LSAMP: variants seen among roughly 807,000 people sequenced by gnomAD.
LSAMP encodes limbic system associated membrane protein.
LSAMP carries 7 observed loss-of-function variants against 38.6 expected under a neutral mutation model. That is an observed-to-expected ratio of 0.18 (90% CI 0.10 to 0.34). LSAMP has a LOEUF of 0.34. Ranked by LOEUF, LSAMP falls within the 10% of genes least tolerant of loss-of-function variation. The probability of loss-of-function intolerance (pLI) is 1.00; values close to 1 mark genes in which losing one functional copy is unlikely to be tolerated. For missense variants in LSAMP, 313 were observed against 420.0 expected, an observed-to-expected ratio of 0.75 and a Z score of 2.23; for synonymous variants, 154 against 166.8, an observed-to-expected ratio of 0.92 and a Z score of 0.59.
intron 1 of LSAMP, among the ~76,000 whole-genome samples, chr3:116,377,310 A>G (rs916335990): frequency 1.6e-4 from 24 of 151,942 alleles, no homozygotes; most frequent in African/African-American, 5.6e-4. Context: ...GCTCCCACTT[A>G]TAAGTGAGAA....
chr3:115,958,766 T>G (rs1057211847), intron 3 of LSAMP, among the ~76,000 whole-genome samples: 1 of 152,072 alleles, frequency 6.6e-6, no homozygotes, highest in Admixed American at 6.6e-5. Flanking sequence ...GGCAAGTAGA[T>G]GTAAAGGCTG....
intron 1 of LSAMP, among the ~76,000 whole-genome samples, chr3:116,114,654 G>A (rs1415314904): frequency 6.6e-6 from 1 of 152,132 alleles, no homozygotes; most frequent in Non-Finnish European, 1.5e-5. Context: ...TACTAACGTT[G>A]CTTTTATAAA....
At chr3:116,151,352 C>T (rs1576395410) in intron 1 of LSAMP, among the ~76,000 whole-genome samples, 1 of 151,796 alleles carries the variant, frequency 6.6e-6, no homozygotes, top group East Asian at 1.9e-4. Context: ...AACATGTGAG[C>T]CGAACTTTTA....
intron 1 of LSAMP, among the ~76,000 whole-genome samples, chr3:116,403,111 T>C (rs773508569): frequency 1.3e-5 from 2 of 152,200 alleles, no homozygotes; most frequent in African/African-American, 2.4e-5. Context: ...TCCGAACTTG[T>C]AGTCATAAAA....
intron 1 of LSAMP, among the ~76,000 whole-genome samples, chr3:116,270,619 C>T (rs1461224202): frequency 6.6e-6 from 1 of 152,064 alleles, no homozygotes; most frequent in East Asian, 1.9e-4. Flanking sequence ...AACACCAGGG[C>T]ACTACAATTG....
At chr3:116,346,779 A>G (rs2048069350) in intron 1 of LSAMP, among the ~76,000 whole-genome samples, 5 of 152,184 alleles carry the variant, frequency 3.3e-5, no homozygotes, top group Admixed American at 3.3e-4. Context: ...TTCAACAAAC[A>G]TTCATTAAGT....
chr3:116,218,028 A>C (rs1006618529), intron 1 of LSAMP, among the ~76,000 whole-genome samples: 1 of 152,182 alleles, frequency 6.6e-6, no homozygotes, highest in African/African-American at 2.4e-5. Context: ...TGAAGTTGCT[A>C]CTGAGCAGTC....
chr3:116,389,918 G>A (rs1027286229), intron 1 of LSAMP, among the ~76,000 whole-genome samples: 1 of 152,074 alleles, frequency 6.6e-6, no homozygotes, highest in African/African-American at 2.4e-5. Flanking sequence ...CCCAAGGAAT[G>A]AGCACTCCCA....
intron 1 of LSAMP, among the ~76,000 whole-genome samples, chr3:116,126,846 G>A (rs892838518): frequency 6.6e-6 from 1 of 151,090 alleles, no homozygotes; most frequent in Non-Finnish European, 1.5e-5. Context: ...TGGGAGACAG[G>A]GCAAAACTCC....
chr3:116,019,445 A>T, intron 3 of LSAMP, 70 bp downstream of exon 3: 1 of 1,547,154 alleles, frequency 6.5e-7, no homozygotes, highest in Non-Finnish European at 8.8e-7. Context: ...TTTCTGATTC[A>T]GCAGAATTCC....
intron 1 of LSAMP, among the ~76,000 whole-genome samples, chr3:116,328,409 A>G (rs1030927472): frequency 1.3e-5 from 2 of 152,196 alleles, no homozygotes; most frequent in African/African-American, 4.8e-5. Flanking sequence ...GTTTACACAT[A>G]TATATTCATT....
chr3:116,422,328 T>C (rs2049139376), intron 1 of LSAMP, among the ~76,000 whole-genome samples: 1 of 152,052 alleles, frequency 6.6e-6, no homozygotes, highest in African/African-American at 2.4e-5. Flanking sequence ...AATACAACAA[T>C]AAAAATAATG....
At chr3:116,344,461 G>T (rs2048038030) in intron 1 of LSAMP, among the ~76,000 whole-genome samples, 2 of 152,100 alleles carry the variant, frequency 1.3e-5, no homozygotes, top group Non-Finnish European at 2.9e-5. Flanking sequence ...CTTGCAAGGA[G>T]ATTCCAGAAA....
intron 3 of LSAMP, among the ~76,000 whole-genome samples, chr3:115,910,099 A>G (rs1050355314): frequency 2.0e-5 from 3 of 152,168 alleles, no homozygotes; most frequent in African/African-American, 7.2e-5. Flanking sequence ...AAGGTAAGAA[A>G]ACATTGTTCT....
chr3:116,198,833 T>C (rs1278810297), intron 1 of LSAMP, among the ~76,000 whole-genome samples: 1 of 150,604 alleles, frequency 6.6e-6, no homozygotes, highest in Non-Finnish European at 1.5e-5. Context: ...ATCCCAGCAC[T>C]TTGGGAGCCT....
chr3:116,269,231 T>A (rs115540274), intron 1 of LSAMP, among the ~76,000 whole-genome samples: 1,988 of 152,232 alleles, frequency 0.013, 41 homozygotes, highest in African/African-American at 0.044. Context: ...TTTTTATGTA[T>A]AAGCCTTGTG....
intron 1 of LSAMP, among the ~76,000 whole-genome samples, chr3:116,317,356 CT>C (rs71616348): frequency 0.014 from 2,023 of 139,976 alleles, 28 homozygotes; most frequent in African/African-American, 0.033. Flanking sequence ...CTCTTTCTTT[CT>C]TTTTTTTTTT....
At chr3:116,215,783 C>G (rs1214541454) in intron 1 of LSAMP, among the ~76,000 whole-genome samples, 1 of 152,144 alleles carries the variant, frequency 6.6e-6, no homozygotes, top group Non-Finnish European at 1.5e-5. Context: ...TCAGGATACA[C>G]CATGGTAGGC....
intron 3 of LSAMP, among the ~76,000 whole-genome samples, chr3:115,961,496 T>C (rs1395918880): frequency 6.6e-6 from 1 of 152,246 alleles, no homozygotes; most frequent in Non-Finnish European, 1.5e-5. Flanking sequence ...GCTTGAAGCA[T>C]ATTCACAGTG....
Sources: allele counts gnomAD v4.1 joint callset (sites outside exome capture counted in the v4.1 genomes callset), GRCh38; gene constraint gnomAD v4.1.1; transcripts MANE v1.5; gene names NCBI Gene and HGNC (gene_info 2026-07-23, HGNC 2026-07-21).